Variants in DYNLRB1 observed in about 807,000 individuals in gnomAD.
DYNLRB1 encodes ROBL/LC7-like 1.
Under a neutral mutation model 13.5 loss-of-function variants are expected in DYNLRB1, and 6 were observed. That is an observed-to-expected ratio of 0.44 (90% CI 0.24 to 0.88). DYNLRB1 has a LOEUF of 0.88. DYNLRB1 is among the 40% of genes least tolerant of loss of function. The pLI, the probability that DYNLRB1 is intolerant of heterozygous loss-of-function variation, is 0.21. For synonymous variants in DYNLRB1, 43 were observed against 45.0 expected (o/e 0.96, Z 0.18); for missense variants, 93 against 127.2 (o/e 0.73, Z 1.29).
At chr20:34,518,507 C>CT (rs760673386) in intron 1 of DYNLRB1, among the ~76,000 whole-genome samples, 165 of 144,998 alleles carry the variant, frequency 1.1e-3, no homozygotes, top group Middle Eastern at 3.7e-3. Context: ...TTGTTAGTTT[C>CT]TTTTTTTTTT....
At chr20:34,537,233 G>A (rs1011100431) in intron 3 of DYNLRB1, among the ~76,000 whole-genome samples, 1 of 152,144 alleles carries the variant, frequency 6.6e-6, no homozygotes, top group African/African-American at 2.4e-5. Flanking sequence ...ACACACATGC[G>A]GCGCTGTGCT....
At chr20:34,522,638 A>G (rs923242630) in intron 1 of DYNLRB1, among the ~76,000 whole-genome samples, 1 of 151,676 alleles carries the variant, frequency 6.6e-6, no homozygotes, top group South Asian at 2.1e-4. Flanking sequence ...ACGCATGGTT[A>G]ATTTTTTTTA....
chr20:34,518,845 C>T (rs114789836), intron 1 of DYNLRB1, among the ~76,000 whole-genome samples: 73 of 152,100 alleles, frequency 4.8e-4, no homozygotes, highest in Middle Eastern at 6.8e-3. Flanking sequence ...TATGCTACTC[C>T]GTGGTTATAC....
intron 1 of DYNLRB1, among the ~76,000 whole-genome samples, chr20:34,519,165 G>A (rs746707963): frequency 6.6e-6 from 1 of 151,918 alleles, no homozygotes; most frequent in African/African-American, 2.4e-5. Flanking sequence ...CAGGTGATCC[G>A]CCCACCTCCG....
chr20:34,534,617 T>C lies in DYNLRB1; in HGVS notation c.80-11T>C. ...CCACATCCTCTCAGTCTCCGTCTGC[T>C]CTCCCCTCAGGCATTCCCATCAAGA... On this transcript the variant is annotated splice_polypyrimidine_tract_variant and intron_variant, in intron 2 of 3. Coordinates refer to ENST00000357156, the MANE Select transcript of DYNLRB1 (RefSeq NM_014183.4). The C allele has an allele frequency of 6.5e-7, 1 of 1,547,424 alleles. No homozygotes were observed. The highest frequency in any genetic ancestry group is 8.7e-7 in the Non-Finnish European group (1 of 1,146,668).
chr20:34,537,571 T>G lies in DYNLRB1; in HGVS notation c.247+2776T>G, dbSNP rs534235007. On this transcript the variant is annotated intron_variant, in intron 3 of 3. Transcript: ENST00000357156. ...TAGTTTTAGGATGAAAACCAGTGATTTGACACTTTGACATACCCACTTTTA... is the reference window on the plus strand; with the variant it reads ...TAGTTTTAGGATGAAAACCAGTGATGTGACACTTTGACATACCCACTTTTA... 7.2e-5 allele frequency among the ~76,000 whole-genome samples: 11 copies of G among 152,284 alleles called. No individual in the cohort carries two copies. In the East Asian group the frequency reaches 1.9e-3, roughly 27 times the overall value.
In DYNLRB1 at chr20:34,525,602, C is replaced by T. The variant is rs146134438; in HGVS notation, c.4-666C>T. ...GATGTAGAGATAGGGAGGTGTGTCACGGAGCTGGAGAGTGGAGGGAAGGGT... is the reference window on the plus strand; with the variant it reads ...GATGTAGAGATAGGGAGGTGTGTCATGGAGCTGGAGAGTGGAGGGAAGGGT... On this transcript the variant is annotated intron_variant, in intron 1 of 3. Coordinates refer to ENST00000357156, the MANE Select transcript of DYNLRB1 (RefSeq NM_014183.4). Among the ~76,000 whole-genome samples the T allele has an allele frequency of 1.1e-4, 16 of 152,180 alleles. No individual in the cohort carries two copies. In the East Asian group the frequency reaches 2.1e-3, roughly 20 times the overall value.
At chr20:34,516,928 C>T in intron 1 of DYNLRB1, 1 of 1,372,384 alleles carries the variant, frequency 7.3e-7, no homozygotes, top group Non-Finnish European at 9.5e-7. Flanking sequence ...TATTCAGCGC[C>T]CCGAGAAGCC....
intron 3 of DYNLRB1, chr20:34,536,003 AC>A (rs914217559): frequency 1.0e-6 from 1 of 985,190 alleles, no homozygotes; most frequent in Non-Finnish European, 1.2e-6. Flanking sequence ...AGGTTCTGTC[AC>A]CAGGCCTGGA....
intron 1 of DYNLRB1, among the ~76,000 whole-genome samples, chr20:34,517,949 A>G (rs1273084025): frequency 6.6e-6 from 1 of 152,094 alleles, no homozygotes; most frequent in Non-Finnish European, 1.5e-5. Context: ...CATTTTCTTT[A>G]TCCATTTACC....
At chr20:34,535,819 G>A in intron 3 of DYNLRB1, 1 of 985,238 alleles carries the variant, frequency 1.0e-6, no homozygotes, top group South Asian at 4.7e-5. Context: ...GCAAGCAGAG[G>A]TTTTTAGGGC....
chr20:34,528,818 A>G (rs1191634967), intron 2 of DYNLRB1, among the ~76,000 whole-genome samples: 2 of 152,070 alleles, frequency 1.3e-5, no homozygotes, highest in Non-Finnish European at 2.9e-5. Context: ...CACAAAAAAA[A>G]GAAAAATTAG....
At chr20:34,536,786 C>T (rs992032818) in intron 3 of DYNLRB1, among the ~76,000 whole-genome samples, 6 of 152,072 alleles carry the variant, frequency 3.9e-5, no homozygotes, top group Non-Finnish European at 1.5e-5. Flanking sequence ...GAACAGTCCC[C>T]CTGCTCACCC....
intron 1 of DYNLRB1, among the ~76,000 whole-genome samples, chr20:34,523,957 ACTTT>A (rs1476839309): frequency 6.6e-6 from 1 of 152,074 alleles, no homozygotes; most frequent in African/African-American, 2.4e-5. Context: ...CTCGGTTTTC[ACTTT>A]CTTTCCCCTT....
At position 34,540,614 on chromosome 20, in the gene DYNLRB1, C is replaced by T; in HGVS notation, c.281C>T (p.Pro94Leu). 6.2e-7 allele frequency: 1 copy of T among 1,613,886 alleles called. No homozygotes were observed. The stretch of plus-strand genomic sequence containing the variant: ...TATTTCCTGATTGTGATTCAGAATC[C>T]AACCGAATAAGCCACTCTCTTGGCT... Reference protein sequence around the residue: ...KDYFLIVIQNPTE With the variant: ...KDYFLIVIQNLTE The change falls in exon 4 of 4, where the codon CCA becomes CTA. Residue 94 changes from proline to leucine, a missense_variant. Coordinates refer to ENST00000357156, the MANE Select transcript of DYNLRB1 (RefSeq NM_014183.4).
intron 3 of DYNLRB1, chr20:34,535,259 A>C: frequency 1.0e-6 from 1 of 985,330 alleles, no homozygotes. Context: ...TGTAAAGCAA[A>C]AGTACTGTAT....
At chr20:34,526,441 T>C in intron 2 of DYNLRB1, 98 bp downstream of exon 2, 1 of 1,196,390 alleles carries the variant, frequency 8.4e-7, no homozygotes, top group Non-Finnish European at 1.2e-6. Context: ...TTCATGAATC[T>C]GATCTAATTT....
chr20:34,538,517 T>C (rs1372806442), intron 3 of DYNLRB1, among the ~76,000 whole-genome samples: 5 of 152,158 alleles, frequency 3.3e-5, no homozygotes, highest in Non-Finnish European at 7.3e-5. Flanking sequence ...TAACTCAGCC[T>C]ACACAACCTT....
intron 2 of DYNLRB1, 140 bp downstream of exon 2, chr20:34,526,483 T>TTTTA: frequency 2.0e-6 from 1 of 506,748 alleles, no homozygotes; most frequent in Non-Finnish European, 3.3e-6. Context: ...ACCTCCAGTG[T>TTTTA]TCTTTTTTTT....
Sources: gnomAD v4.1 joint callset for allele counts (sites outside exome capture counted in the v4.1 genomes callset) on GRCh38, gnomAD v4.1.1 for gene constraint, MANE v1.5 for transcripts, NCBI Gene and HGNC (gene_info 2026-07-23, HGNC 2026-07-21) for gene names.